Variants in MCPH1 observed in about 807,000 individuals in gnomAD.
The protein encoded by MCPH1 is microcephalin 1.
MCPH1 carries 104 observed loss-of-function variants against 84.5 expected under a neutral mutation model. The ratio of observed to expected loss-of-function variants is 1.23; its 90% CI spans 1.05 to 1.45. The LOEUF (loss-of-function observed/expected upper bound fraction) is 1.45, where lower values mean the gene tolerates loss of function less well. MCPH1 is among the 40% of genes most tolerant of loss of function. The pLI, the probability that MCPH1 is intolerant of heterozygous loss-of-function variation, is 0.00. For missense variants in MCPH1, 1,498 were observed against 1,005.7 expected (o/e 1.49, Z -6.62); for synonymous variants, 514 against 366.8 (o/e 1.40, Z -4.58).
chr8:6,611,811 G>A (rs1255797778), intron 12 of MCPH1, among the ~76,000 whole-genome samples: 1 of 152,016 alleles, frequency 6.6e-6, no homozygotes, highest in Non-Finnish European at 1.5e-5. Context: ...GCGGAGACGG[G>A]GTTTCACCGT....
At chr8:6,421,770 A>T (rs1347464830) in intron 3 of MCPH1, among the ~76,000 whole-genome samples, 1 of 152,074 alleles carries the variant, frequency 6.6e-6, no homozygotes, top group Non-Finnish European at 1.5e-5. Context: ...AAGTTTGCTG[A>T]CCCAGGTCCA....
rs926281383 is a variant in MCPH1 at position 6,644,623 on chromosome 8, T to C, written c.*1574T>C. 1.3e-5 allele frequency: 2 copies of C among 152,140 alleles called. No homozygotes were observed. The highest frequency in any genetic ancestry group is 1.5e-5 in the Non-Finnish European group (1 of 68,034). 9.4% of individuals were successfully genotyped at this position (152,140 alleles called of 1,614,324 possible). A position where few individuals can be genotyped will look rare whatever the true frequency, so the allele number is the denominator to read the frequency against. ...GGAATGAAATACCTAGGAACACGTA[T>C]AACCAAGGAGGCAAAGGATCTCTAC... is the stretch of plus-strand genomic sequence containing the variant. On this transcript the variant is annotated 3_prime_UTR_variant, in exon 14 of 14. Coordinates refer to ENST00000344683, the MANE Select transcript of MCPH1 (RefSeq NM_024596.5).
In MCPH1 at chr8:6,446,299, C is replaced by T. The variant is rs1332511599; in HGVS notation, c.1825+752C>T. On this transcript the variant is annotated intron_variant, in intron 8 of 13. Coordinates refer to ENST00000344683, the MANE Select transcript of MCPH1 (RefSeq NM_024596.5). ...AATTGAAGAAATCTTGAACTTTGAC[C>T]GTCTTTACCTAAAGATTAGGTTAAA... 12 of 984,920 alleles carry T rather than the reference C, an allele frequency of 1.2e-5. No individual in the cohort carries two copies. The African/African-American group carries it at 1.6e-4, about 13-fold the overall frequency. 61.0% of individuals were successfully genotyped at this position (984,920 alleles called of 1,614,324 possible). A position where few individuals can be genotyped will look rare whatever the true frequency, so the allele number is the denominator to read the frequency against.
chr8:6,589,956 G>T (rs373899435), intron 12 of MCPH1, among the ~76,000 whole-genome samples: 1 of 152,182 alleles, frequency 6.6e-6, no homozygotes, highest in Admixed American at 6.5e-5. Flanking sequence ...TTACTCTAAA[G>T]TATCTAAAAG....
chr8:6,413,336 C>G (rs1277560711), intron 2 of MCPH1, among the ~76,000 whole-genome samples: 2 of 151,726 alleles, frequency 1.3e-5, no homozygotes. Context: ...ATATTTTTCC[C>G]TTTCGCCAAC....
At chr8:6,598,551 A>G (rs1168883739) in intron 12 of MCPH1, among the ~76,000 whole-genome samples, 1 of 152,170 alleles carries the variant, frequency 6.6e-6, no homozygotes, top group African/African-American at 2.4e-5. Context: ...ACACACCAGA[A>G]CAGCTCTCCT....
intron 8 of MCPH1, chr8:6,447,178 A>G: frequency 1.0e-6 from 1 of 985,428 alleles, no homozygotes; most frequent in Non-Finnish European, 1.2e-6. Context: ...CTTTTATAGT[A>G]ATAAAGATTC....
At chr8:6,566,880 A>G (rs1180904887) in intron 12 of MCPH1, among the ~76,000 whole-genome samples, 2,148 of 60,176 alleles carry the variant, frequency 0.036, no homozygotes, top group Middle Eastern at 0.13. Context: ...CATGGATAGT[A>G]CACGCGGTGC....
intron 12 of MCPH1, chr8:6,616,772 T>TCTGA (rs1333463198): frequency 6.6e-6 from 1 of 152,280 alleles, no homozygotes; most frequent in Non-Finnish European, 1.5e-5. Flanking sequence ...CAAAATTCAC[T>TCTGA]CTGACTACTG....
chr8:6,526,142 A>G (rs565680879), intron 12 of MCPH1, among the ~76,000 whole-genome samples: 1 of 151,888 alleles, frequency 6.6e-6, no homozygotes, highest in Non-Finnish European at 1.5e-5. Flanking sequence ...AAACGACGCC[A>G]GGTACGGTGG....
chr8:6,606,181 T>A (rs182457898), intron 12 of MCPH1, among the ~76,000 whole-genome samples: 1 of 152,382 alleles, frequency 6.6e-6, no homozygotes, highest in African/African-American at 2.4e-5. Flanking sequence ...ACTTTGTTCA[T>A]ACTTTGAAGA....
chr8:6,515,088 G>GC (rs1403710844), intron 12 of MCPH1, among the ~76,000 whole-genome samples: 3 of 151,986 alleles, frequency 2.0e-5, no homozygotes, highest in Non-Finnish European at 2.9e-5. Context: ...AGAGATTGCT[G>GC]TTTTTTTAGA....
At position 6,530,083 on chromosome 8, in the gene MCPH1, A is replaced by G. The variant is rs79562959; in HGVS notation, c.2214+30154A>G. On this transcript the variant is annotated intron_variant, in intron 12 of 13. Coordinates refer to ENST00000344683, the MANE Select transcript of MCPH1 (RefSeq NM_024596.5). ...TATTTTAAAATATAAGAAATGTTGTAGTTTAAAAATGCTTATGAGACATTT... is the reference window on the plus strand; with the variant it reads ...TATTTTAAAATATAAGAAATGTTGTGGTTTAAAAATGCTTATGAGACATTT... Among the ~76,000 whole-genome samples the G allele has an allele frequency of 2.4e-4, 37 of 152,270 alleles. No homozygotes were observed. In the East Asian group the frequency reaches 4.4e-3, roughly 18 times the overall value.
chr8:6,625,902 C>T, intron 13 of MCPH1: 1 of 985,232 alleles, frequency 1.0e-6, no homozygotes, highest in South Asian at 4.7e-5. Context: ...GTTTTTTAGC[C>T]ACTAGGAACC....
chr8:6,621,434 T>C lies in MCPH1; in HGVS notation c.2215-20T>C, dbSNP rs373660203. On this transcript the variant is annotated intron_variant, in intron 12 of 13. Transcript: ENST00000344683. Reference sequence around the variant, plus strand: ...TGGAGTGGTCCCACCTCTGTAATTCTATCTCTGTCTGCCCCACAGCTGTGC... The same window carrying C: ...TGGAGTGGTCCCACCTCTGTAATTCCATCTCTGTCTGCCCCACAGCTGTGC... The C allele has an allele frequency of 5.7e-5, 92 of 1,613,472 alleles. No homozygotes were observed. In the African/African-American group the frequency reaches 1.1e-3, roughly 20 times the overall value.
At chr8:6,528,858 C>G (rs575923043) in intron 12 of MCPH1, among the ~76,000 whole-genome samples, 3 of 152,320 alleles carry the variant, frequency 2.0e-5, no homozygotes, top group South Asian at 4.1e-4. Context: ...TGGTCTTATC[C>G]TTAGAGCTGG....
chr8:6,556,962 C>T (rs539445166), intron 12 of MCPH1, among the ~76,000 whole-genome samples: 17 of 152,284 alleles, frequency 1.1e-4, no homozygotes, highest in African/African-American at 3.8e-4. Context: ...TGAAGGCACT[C>T]GATAAATATT....
At chr8:6,618,324 G>A (rs1053461358) in intron 12 of MCPH1, among the ~76,000 whole-genome samples, 2 of 152,212 alleles carry the variant, frequency 1.3e-5, no homozygotes, top group Non-Finnish European at 2.9e-5. Context: ...GGGGGAAATG[G>A]TGCTTTATTT....
In MCPH1 at chr8:6,461,621, T is replaced by C. The variant is rs190261989; in HGVS notation, c.1935+6369T>C. Among the ~76,000 whole-genome samples the C allele has an allele frequency of 2.0e-3, 299 of 152,246 alleles. 2 individuals are homozygous for C. The highest frequency in any genetic ancestry group is 6.6e-3 in the African/African-American group (275 of 41,526). On this transcript the variant is annotated intron_variant, in intron 9 of 13. Transcript: ENST00000344683. ...TCCCAAAGTGCTGGGATTACAGGCGTGAGCCACCACACCCGGCCTGGTGAG... is the reference window on the plus strand; with the variant it reads ...TCCCAAAGTGCTGGGATTACAGGCGCGAGCCACCACACCCGGCCTGGTGAG...
Sources: allele counts gnomAD v4.1 joint callset (sites outside exome capture counted in the v4.1 genomes callset), GRCh38; gene constraint gnomAD v4.1.1; transcripts MANE v1.5; gene names NCBI Gene and HGNC (gene_info 2026-07-23, HGNC 2026-07-21).